XRCC3: variants seen among roughly 807,000 people sequenced by gnomAD.
The protein encoded by XRCC3 is X-ray repair cross complementing 3.
Under a neutral mutation model 29.2 loss-of-function variants are expected in XRCC3, and 34 were observed. That is an observed-to-expected ratio of 1.16 (90% CI 0.88 to 1.55). The LOEUF (loss-of-function observed/expected upper bound fraction) is 1.55. XRCC3 is among the 40% of genes most tolerant of loss of function. XRCC3 has a pLI of 0.00. For missense variants in XRCC3, 463 were observed against 467.6 expected, an observed-to-expected ratio of 0.99 and a Z score of 0.09; for synonymous variants, 223 against 211.3, an observed-to-expected ratio of 1.06 and a Z score of -0.48.
chr14:103,700,489 G>A (rs1567050335), intron 7 of XRCC3: 24 of 557,060 alleles, frequency 4.3e-5, no homozygotes, highest in Admixed American at 3.5e-5. Context: ...CAGGCCCCAC[G>A]GGCCTTGCCA....
rs544357486 is a variant in XRCC3, at chr14:103,703,176, A to G, written c.558T>C (p.Asp186=). The change falls in exon 7 of 10, where the codon GAT becomes GAC. Residue 186 remains aspartate, a synonymous_variant. Transcript: ENST00000555055. ...ATGGGGCTTCTCCCACACTCACCAC[A>G]TCGGCCACGTGCTCGATGAAGATCT... ...GSQIFIEHVA[D]VDTLLECVNK... 19 of 1,568,716 alleles carry G rather than the reference A, an allele frequency of 1.2e-5. No homozygotes were observed. In the African/African-American group the frequency reaches 1.4e-4, roughly 11 times the overall value.
chr14:103,706,555 C>G (rs1032541660), intron 6 of XRCC3: 1 of 382,382 alleles, frequency 2.6e-6, no homozygotes, highest in Non-Finnish European at 5.2e-6. Context: ...TAGTCCAATG[C>G]AGGGAACCCT....
chr14:103,703,284 G>T lies in XRCC3; in HGVS notation c.450C>A (p.Arg150=). Reference sequence around the variant, plus strand: ...GCTGCTGGGCCATGAGCTGCTGCAGGCGCTTGTGCGGGAAGGCGTCTTCCG... The same window carrying T: ...GCTGCTGGGCCATGAGCTGCTGCAGTCGCTTGTGCGGGAAGGCGTCTTCCG... ...ICTEDAFPHK[R]LQQLMAQQPR... Residue 150 remains arginine, a synonymous_variant, in exon 7 of 10, where the codon CGC becomes CGA. Coordinates refer to ENST00000555055, the MANE Select transcript of XRCC3 (RefSeq NM_005432.4). 6.4e-7 allele frequency: 1 copy of T among 1,557,448 alleles called. No homozygotes were observed.
At chr14:103,708,044 G>C (rs1218632817) in intron 5 of XRCC3, 3 of 257,958 alleles carry the variant, frequency 1.2e-5, no homozygotes, top group Non-Finnish European at 2.3e-5. Context: ...CTCATGCCAG[G>C]ACCCCGCTGC....
At chr14:103,710,752 A>C in intron 4 of XRCC3, 2 of 411,614 alleles carry the variant, frequency 4.9e-6, no homozygotes, top group East Asian at 1.0e-4. Flanking sequence ...CAAAAAAAAA[A>C]AACTAAAAGA....
chr14:103,710,850 A>G, intron 4 of XRCC3, 183 bp downstream of exon 4: 1 of 495,944 alleles, frequency 2.0e-6, no homozygotes, highest in Non-Finnish European at 3.4e-6. Context: ...CCATGTAGTT[A>G]AGAACACACA....
rs1434408301 is a variant in XRCC3, at chr14:103,711,468, C to A, written c.-161G>T. ...GTTGAGTGCCCTGCCCGACTCACCT[C>A]TCTGGGGCTTGGGGATGACCCGCGT... On this transcript the variant is annotated splice_region_variant and 5_prime_UTR_variant, in exon 3 of 10. The change creates a premature stop within an existing upstream ORF in the 5' untranslated region. Transcript: ENST00000555055. 2.0e-6 allele frequency: 1 copy of A among 488,950 alleles called. No individual in the cohort carries two copies. Among genetic ancestry groups the A allele is most frequent in the East Asian group, 6.0e-5 (1 of 16,556 alleles). The allele number at this position is 488,950 out of a possible 1,614,324, so 30.3% of individuals were successfully genotyped here.
Position 103,703,306 on chromosome 14 carries a change from T to A in XRCC3, c.428A>T (p.Glu143Val). 1 of 1,554,096 alleles carries A rather than the reference T, an allele frequency of 6.4e-7. No individual in the cohort carries two copies. The highest frequency in any genetic ancestry group is 8.7e-7 in the Non-Finnish European group (1 of 1,152,412). Residue 143 changes from glutamate to valine, a missense_variant, in exon 7 of 10, where the codon GAA becomes GTA. By Grantham distance (121) the Glu-to-Val change is moderately radical. Coordinates refer to ENST00000555055, the MANE Select transcript of XRCC3 (RefSeq NM_005432.4). ...CAGGCGCTTGTGCGGGAAGGCGTCTTCCGTGCAGATGTAGACGGCTCCTGG... is the reference window on the plus strand; with the variant it reads ...CAGGCGCTTGTGCGGGAAGGCGTCTACCGTGCAGATGTAGACGGCTCCTGG... ...LEAGAVYICT[E>V]DAFPHKRLQQ...
At chr14:103,706,271 T>G (rs1007540771) in intron 6 of XRCC3, 13 of 450,796 alleles carry the variant, frequency 2.9e-5, no homozygotes, top group South Asian at 3.1e-5. Flanking sequence ...CGTGAGGAGG[T>G]GGCTGGCTGG....
intron 7 of XRCC3, chr14:103,701,969 C>T (rs1354020968): frequency 5.3e-5 from 8 of 152,244 alleles, no homozygotes; most frequent in Admixed American, 5.2e-4. Context: ...GCCGCTCCCC[C>T]TGCACAGGGT....
intron 6 of XRCC3, chr14:103,706,512 TGA>T (rs1480977854): frequency 9.6e-6 from 4 of 416,484 alleles, no homozygotes; most frequent in Non-Finnish European, 1.9e-5. Context: ...TTTTAACACC[TGA>T]GAGACCCAGG....
intron 6 of XRCC3, 95 bp downstream of exon 6, chr14:103,706,908 A>G: frequency 9.0e-6 from 12 of 1,334,264 alleles, no homozygotes; most frequent in Non-Finnish European, 1.2e-5. Flanking sequence ...GAACAGCGCA[A>G]GAGGCGGCCA....
chr14:103,699,675 C>A, intron 7 of XRCC3, 99 bp from the exon 8 acceptor site: 1 of 1,211,154 alleles, frequency 8.3e-7, no homozygotes, highest in Non-Finnish European at 1.2e-6. Context: ...GAAAACCTTC[C>A]TACCCACCTG....
chr14:103,709,102 G>A lies in XRCC3; in HGVS notation c.56-443C>T, dbSNP rs1479701422. The A allele has an allele frequency of 2.4e-5, 8 of 332,178 alleles. No individual in the cohort carries two copies. The East Asian group carries it at 6.4e-4, about 27-fold the overall frequency. The allele number at this position is 332,178 out of a possible 1,614,324, so 20.6% of individuals were successfully genotyped here. On this transcript the variant is annotated intron_variant, in intron 4 of 9. Transcript: ENST00000555055. ...AGGCATGGATCTGGGCTGAGCCGCG[G>A]GAGAGGACATGTGCCCTGGGGAGGG...
At chr14:103,708,072 G>C in intron 5 of XRCC3, 1 of 293,082 alleles carries the variant, frequency 3.4e-6, no homozygotes, top group Non-Finnish European at 6.7e-6. Flanking sequence ...GGCCTGCTGA[G>C]ATGCAGGGAT....
intron 5 of XRCC3, chr14:103,707,813 G>A (rs3212050): frequency 0.025 from 4,657 of 189,006 alleles, 214 homozygotes; most frequent in African/African-American, 0.1. Flanking sequence ...TCTTGGCCTG[G>A]GGCCTGGGCC....
In XRCC3 at chr14:103,699,303, C is replaced by T. The variant is rs3212113; in HGVS notation, c.774+61G>A. ...CACCCGCCCCACCTCCAGACCGGCT[C>T]TGCTTCCGCATCCTGGCTAAAAATA... On this transcript the variant is annotated intron_variant, in intron 8 of 9. Transcript: ENST00000555055. The T allele has an allele frequency of 1.7e-5, 26 of 1,549,382 alleles. No homozygotes were observed. The Admixed American group carries it at 4.3e-4, about 26-fold the overall frequency.
intron 6 of XRCC3, chr14:103,703,650 C>T: frequency 2.5e-6 from 1 of 399,952 alleles, no homozygotes; most frequent in Non-Finnish European, 4.7e-6. Context: ...CCCTCCTTCC[C>T]CCTGTGAACC....
intron 7 of XRCC3, chr14:103,700,532 C>T: frequency 1.3e-6 from 1 of 741,560 alleles, no homozygotes; most frequent in Non-Finnish European, 2.2e-6. Context: ...TGCTAAGGGG[C>T]CCCTAGGCTG....
Sources: gnomAD v4.1 joint callset for allele counts on GRCh38, gnomAD v4.1.1 for gene constraint, MANE v1.5 for transcripts, NCBI Gene and HGNC (gene_info 2026-07-23, HGNC 2026-07-21) for gene names.